The following VIPR2 variants were observed in gnomAD, a reference collection of about 807,000 sequenced individuals.
The protein encoded by VIPR2 is vasoactive intestinal polypeptide receptor 2.
Under a neutral mutation model 58.0 loss-of-function variants are expected in VIPR2, and 48 were observed. That is an observed-to-expected ratio of 0.83 (90% CI 0.66 to 1.05). The LOEUF (loss-of-function observed/expected upper bound fraction) is 1.05, where lower values mean the gene tolerates loss of function less well. VIPR2 is among the 50% of genes least tolerant of loss of function. The pLI, the probability that VIPR2 is intolerant of heterozygous loss-of-function variation, is 0.00. For missense variants in VIPR2, 534 were observed against 558.0 expected, an observed-to-expected ratio of 0.96 and a Z score of 0.43; for synonymous variants, 243 against 235.2, an observed-to-expected ratio of 1.03 and a Z score of -0.30.
At chr7:159,114,588 TAAATA>T (rs146615326) in intron 2 of VIPR2, among the ~76,000 whole-genome samples, 2,785 of 152,178 alleles carry the variant, frequency 0.018, 81 homozygotes, top group African/African-American at 0.063. Flanking sequence ...TTTAAAACCC[TAAATA>T]AAATAGTAAA....
At chr7:159,143,998 G>A (rs978868690) in intron 1 of VIPR2, among the ~76,000 whole-genome samples, 1 of 152,206 alleles carries the variant, frequency 6.6e-6, no homozygotes, top group East Asian at 1.9e-4. Context: ...AGCTGCGGAG[G>A]GGCCGCGGAT....
At chr7:159,083,109 C>T (rs1008308828) in intron 4 of VIPR2, among the ~76,000 whole-genome samples, 10 of 152,162 alleles carry the variant, frequency 6.6e-5, no homozygotes, top group Admixed American at 6.5e-4. Flanking sequence ...CCTGCCTGTC[C>T]CTGGTCCCAC....
Position 159,036,784 on chromosome 7 carries a change from C to T in VIPR2, c.716G>A (p.Arg239Lys). The stretch of plus-strand genomic sequence containing the variant: ...GATCAGGAGGTAGGCCAGGAAGCAC[C>T]TTCTAGGGGGGAGCATGGCCACCAG... ...TLLVAMLPPR[R>K]CFLAYLLIGW... The change falls in exon 7 of 13, where the codon AGG (arginine) becomes AAG (lysine). Residue 239 changes from arginine (R) to lysine (K), a missense_variant. Physicochemically the swap from Arg to Lys is conservative, Grantham distance 26 (BLOSUM62 2). Coordinates refer to ENST00000262178, the MANE Select transcript of VIPR2 (RefSeq NM_003382.5). 1.2e-6 allele frequency: 2 copies of T among 1,613,754 alleles called. No homozygotes were observed. Among genetic ancestry groups the T allele is most frequent in the South Asian group, 2.2e-5 (2 of 91,044 alleles).
rs1857987133 is a variant in VIPR2 at position 159,098,265 on chromosome 7, C to G, written c.357+5492G>C. 6.6e-6 allele frequency among the ~76,000 whole-genome samples: 1 copy of G among 152,176 alleles called. No individual in the cohort carries two copies. On this transcript the variant is annotated intron_variant, in intron 4 of 12. Transcript: ENST00000262178. The surrounding 1 kb of genome is among the most constrained non-coding windows in gnomAD (Gnocchi z 5.2). ...CGGGGAGCCTCCCACACTTGGTGAT[C>G]CCGAGCCCTCAGTCTGCTGGTGGTG...
chr7:159,031,550 C>A lies in VIPR2; in HGVS notation c.1143+278G>T. On this transcript the variant is annotated intron_variant, in intron 12 of 12. Coordinates refer to ENST00000262178, the MANE Select transcript of VIPR2 (RefSeq NM_003382.5). This position sits in a 1 kb window ranked among gnomAD's most constrained non-coding sequence, Gnocchi z 4.0. ...GGGGAAAAACAGATTCTGTCTAGACCCGGCCGGGAGCTTTCCCGAGAGGGC... is the reference window on the plus strand; with the variant it reads ...GGGGAAAAACAGATTCTGTCTAGACACGGCCGGGAGCTTTCCCGAGAGGGC... The A allele has an allele frequency of 1.0e-6, 1 of 985,346 alleles. No homozygotes were observed. Among genetic ancestry groups the A allele is most frequent in the Non-Finnish European group, 1.2e-6 (1 of 829,912 alleles). 61.0% of individuals were successfully genotyped at this position (985,346 alleles called of 1,614,324 possible). A position where few individuals can be genotyped will look rare whatever the true frequency, so the allele number is the denominator to read the frequency against.
chr7:159,115,697 C>T (rs1443776828), intron 2 of VIPR2, among the ~76,000 whole-genome samples: 1 of 152,240 alleles, frequency 6.6e-6, no homozygotes, highest in Admixed American at 6.5e-5. Context: ...CTGGCTGGGT[C>T]GTCCCTTGGC....
At chr7:159,124,209 G>A (rs1796576151) in intron 2 of VIPR2, among the ~76,000 whole-genome samples, 1 of 152,180 alleles carries the variant, frequency 6.6e-6, no homozygotes, top group African/African-American at 2.4e-5. Flanking sequence ...TCTTTGTTAT[G>A]AAATCTTTTT....
chr7:159,081,018 A>G (rs1856873936), intron 4 of VIPR2, among the ~76,000 whole-genome samples: 1 of 152,258 alleles, frequency 6.6e-6, no homozygotes, highest in Non-Finnish European at 1.5e-5. Flanking sequence ...GGAATAATCA[A>G]TACCGTGAAA....
chr7:159,042,829 C>T (rs2129493443), intron 6 of VIPR2, among the ~76,000 whole-genome samples: 1 of 152,326 alleles, frequency 6.6e-6, no homozygotes, highest in East Asian at 1.9e-4. Context: ...GAACCCCACC[C>T]TCCCTGCCTC....
intron 4 of VIPR2, among the ~76,000 whole-genome samples, chr7:159,092,282 C>T (rs527353954): frequency 1.3e-5 from 2 of 152,148 alleles, no homozygotes; most frequent in South Asian, 2.1e-4. Flanking sequence ...CTCATGAAGC[C>T]GAGAGCACCA....
At chr7:159,113,534 T>C (rs1178901231) in intron 2 of VIPR2, among the ~76,000 whole-genome samples, 3 of 152,068 alleles carry the variant, frequency 2.0e-5, no homozygotes, top group African/African-American at 7.2e-5. Flanking sequence ...CTCGTCCTGC[T>C]ACAAGAGAAA....
chr7:159,102,255 G>C (rs1858345822), intron 4 of VIPR2, among the ~76,000 whole-genome samples: 1 of 152,174 alleles, frequency 6.6e-6, no homozygotes, highest in Admixed American at 6.6e-5. Context: ...TCCTGTGATA[G>C]TGAATGGGTC....
intron 4 of VIPR2, among the ~76,000 whole-genome samples, chr7:159,063,049 G>A (rs531894257): frequency 6.6e-6 from 1 of 152,194 alleles, no homozygotes. Flanking sequence ...GGTTCCCCAC[G>A]TCCCCACTGG....
chr7:159,096,727 C>T lies in VIPR2; in HGVS notation c.357+7030G>A. The T allele has an allele frequency of 7.2e-7, 1 of 1,380,090 alleles. No homozygotes were observed. The highest frequency in any genetic ancestry group is 9.4e-7 in the Non-Finnish European group (1 of 1,060,476). 85.5% of individuals were successfully genotyped at this position (1,380,090 alleles called of 1,614,324 possible). A position where few individuals can be genotyped will look rare whatever the true frequency, so the allele number is the denominator to read the frequency against. On this transcript the variant is annotated intron_variant, in intron 4 of 12. Transcript: ENST00000262178. The surrounding 1 kb of genome is among the most constrained non-coding windows in gnomAD (Gnocchi z 5.5). ...TGCTCATAATCCTGTCTGGTTGTGC[C>T]AGGTGACAGCTGAATGATTTCTGCC...
In VIPR2 at chr7:159,031,055, G is replaced by C. The variant is rs1853543918; in HGVS notation, c.1144-266C>G. ...GATCGCCACTGCCGCGGTAAGCGCAGTCCCACAGTCTCAGATAGTTAATAT... is the reference window on the plus strand; with the variant it reads ...GATCGCCACTGCCGCGGTAAGCGCACTCCCACAGTCTCAGATAGTTAATAT... On this transcript the variant is annotated intron_variant, in intron 12 of 12. Coordinates refer to ENST00000262178, the MANE Select transcript of VIPR2 (RefSeq NM_003382.5). The surrounding 1 kb of genome is among the most constrained non-coding windows in gnomAD (Gnocchi z 4.0). 6.6e-6 allele frequency among the ~76,000 whole-genome samples: 1 copy of C among 152,206 alleles called. No homozygotes were observed. Among genetic ancestry groups the C allele is most frequent in the South Asian group, 2.1e-4 (1 of 4,836 alleles).
At chr7:159,032,149 G>C (rs1853634119) in intron 10 of VIPR2, 82 bp from the exon 11 acceptor site, 1 of 1,567,448 alleles carries the variant, frequency 6.4e-7, no homozygotes, top group Non-Finnish European at 8.7e-7. Context: ...TCAGGAGGGG[G>C]CAGCTGGGTG....
At chr7:159,084,784 AG>A (rs1857088554) in intron 4 of VIPR2, among the ~76,000 whole-genome samples, 1 of 152,212 alleles carries the variant, frequency 6.6e-6, no homozygotes, top group Non-Finnish European at 1.5e-5. Flanking sequence ...GGAGGCCGCC[AG>A]TTGCCAGTCT....
At chr7:159,103,655 T>G in intron 4 of VIPR2, 102 bp downstream of exon 4, 2 of 915,894 alleles carry the variant, frequency 2.2e-6, no homozygotes, top group South Asian at 2.8e-5. Flanking sequence ...CAGAGGATTA[T>G]TTAGGGGAAA....
chr7:159,121,269 C>T (rs923917567), intron 2 of VIPR2, among the ~76,000 whole-genome samples: 1 of 152,094 alleles, frequency 6.6e-6, no homozygotes, highest in East Asian at 1.9e-4. Flanking sequence ...GGCCAGCTCC[C>T]TCTGCACGAG....
Sources: allele counts gnomAD v4.1 joint callset (sites outside exome capture counted in the v4.1 genomes callset), GRCh38; gene constraint gnomAD v4.1.1; non-coding constraint Gnocchi (gnomAD v3.1); transcripts MANE v1.5; gene names NCBI Gene and HGNC (gene_info 2026-07-23, HGNC 2026-07-21).